The following RDX variants were observed in gnomAD, a reference collection of about 807,000 sequenced individuals.
The protein encoded by RDX is deafness, autosomal recessive 24.
RDX carries 32 observed loss-of-function variants against 83.7 expected under a neutral mutation model. That is an observed-to-expected ratio of 0.38 (90% CI 0.29 to 0.51). RDX has a LOEUF of 0.51. Among genes scored for constraint, RDX ranks in the 20% least tolerant of loss-of-function variants. The pLI is 0.87. For synonymous variants in RDX, 229 were observed against 222.7 expected (o/e 1.03, Z -0.25); for missense variants, 600 against 689.9 (o/e 0.87, Z 1.46).
Position 110,234,500 on chromosome 11 carries a change from A to C in RDX, c.1345-1021T>G, listed in dbSNP as rs77799312. On this transcript the variant is annotated intron_variant, in intron 12 of 13. Transcript: ENST00000645495. Reference sequence around the variant, plus strand: ...CAGTAAGATTTCATGTTGAATATATAAACAGGAAGTATCCTGGAAGAATAT... The same window carrying C: ...CAGTAAGATTTCATGTTGAATATATCAACAGGAAGTATCCTGGAAGAATAT... Among the ~76,000 whole-genome samples, 1,155 of 152,278 alleles carry C rather than the reference A, an allele frequency of 7.6e-3. 7 individuals carry two copies. The highest frequency in any genetic ancestry group is 0.011 in the Non-Finnish European group (769 of 67,992).
intron 9 of RDX, among the ~76,000 whole-genome samples, chr11:110,252,188 T>G (rs1198538770): frequency 6.6e-6 from 1 of 152,164 alleles, no homozygotes; most frequent in African/African-American, 2.4e-5. Flanking sequence ...AAGCAGTCAA[T>G]AAATGCTTAC....
At chr11:110,187,201 C>A (rs1213150446) in intron 15 of RDX, among the ~76,000 whole-genome samples, 1 of 152,214 alleles carries the variant, frequency 6.6e-6, no homozygotes, top group Non-Finnish European at 1.5e-5. Context: ...TTTGGAGCAG[C>A]TGCTCACCTG....
intron 10 of RDX, among the ~76,000 whole-genome samples, chr11:110,243,242 A>AAAATCCTG (rs1865171413): frequency 6.6e-6 from 1 of 152,228 alleles, no homozygotes; most frequent in Non-Finnish European, 1.5e-5. Context: ...ACCAAAAACC[A>AAAATCCTG]AAATCCTGAA....
chr11:110,227,713 G>A (rs1235889792), downstream of RDX, among the ~76,000 whole-genome samples: 2 of 152,088 alleles, frequency 1.3e-5, no homozygotes, highest in African/African-American at 2.4e-5. Flanking sequence ...CTAAGTCCTT[G>A]AATATAGCCA....
intron 14 of RDX, among the ~76,000 whole-genome samples, chr11:110,211,601 A>G (rs1283956577): frequency 6.6e-6 from 1 of 151,116 alleles, no homozygotes; most frequent in Admixed American, 6.6e-5. Context: ...TCTCCTCAGC[A>G]AATGTAAAAG....
intron 10 of RDX, 55 bp from the exon 11 acceptor site, chr11:110,237,707 T>C: frequency 6.3e-7 from 1 of 1,579,736 alleles, no homozygotes; most frequent in Non-Finnish European, 8.7e-7. Context: ...ATTCTCATTA[T>C]CAAAAGAAGC....
At position 110,229,704 on chromosome 11, in the gene RDX, A is replaced by T. The variant is rs1864550514; in HGVS notation, c.*2165T>A. On this transcript the variant is annotated 3_prime_UTR_variant, in exon 14 of 14. Transcript: ENST00000645495. ...TAGAAAAATTCACACAGCCTTAAAAATGGATTAAATCCATTTTAATCCTAA... is the reference window on the plus strand; with the variant it reads ...TAGAAAAATTCACACAGCCTTAAAATTGGATTAAATCCATTTTAATCCTAA... 1 of 152,528 alleles carries T rather than the reference A, an allele frequency of 6.6e-6. No individual in the cohort carries two copies. The highest frequency in any genetic ancestry group is 2.1e-4 in the South Asian group (1 of 4,836). The allele number at this position is 152,528 out of a possible 1,614,324, so 9.4% of individuals were successfully genotyped here.
intron 1 of RDX, among the ~76,000 whole-genome samples, chr11:110,292,934 A>G (rs1861303275): frequency 6.6e-6 from 1 of 152,250 alleles, no homozygotes; most frequent in Non-Finnish European, 1.5e-5. Context: ...CTCATTGTCA[A>G]CTATATGCCA....
Position 110,229,780 on chromosome 11 carries a change from T to C in RDX, c.*2089A>G, listed in dbSNP as rs976881626. 1 of 152,496 alleles carries C rather than the reference T, an allele frequency of 6.6e-6. No individual in the cohort carries two copies. The highest frequency in any genetic ancestry group is 1.5e-5 in the Non-Finnish European group (1 of 67,912). The allele number at this position is 152,496 out of a possible 1,614,324, so 9.4% of individuals were successfully genotyped here. On this transcript the variant is annotated 3_prime_UTR_variant, in exon 14 of 14. Transcript: ENST00000645495. ...AATATAACTGATAATTTTTCAATAC[T>C]GTATCAAACTGATGTAGCTATGGTA...
At chr11:110,207,635 A>T (rs1863655006) in intron 14 of RDX, among the ~76,000 whole-genome samples, 1 of 152,154 alleles carries the variant, frequency 6.6e-6, no homozygotes. Context: ...TTTTTAAACA[A>T]ATCAGAGGAA....
intron 10 of RDX, among the ~76,000 whole-genome samples, chr11:110,238,733 G>C (rs1200376508): frequency 6.6e-6 from 1 of 151,924 alleles, no homozygotes; most frequent in African/African-American, 2.4e-5. Context: ...AGACCAGACT[G>C]GCCAACCTGG....
chr11:110,266,015 G>C (rs1018414376), intron 3 of RDX, among the ~76,000 whole-genome samples: 1 of 152,062 alleles, frequency 6.6e-6, no homozygotes, highest in African/African-American at 2.4e-5. Context: ...ATCAGCCTGT[G>C]GTAGATACTC....
At chr11:110,198,961 A>G (rs906719650) in intron 15 of RDX, among the ~76,000 whole-genome samples, 1 of 152,016 alleles carries the variant, frequency 6.6e-6, no homozygotes, top group Non-Finnish European at 1.5e-5. Context: ...GACTACAGGC[A>G]TGCACCACCA....
intron 14 of RDX, among the ~76,000 whole-genome samples, chr11:110,220,901 T>C (rs1052022541): frequency 8.4e-6 from 1 of 118,806 alleles, no homozygotes; most frequent in Non-Finnish European, 1.7e-5. Flanking sequence ...AAAAAAAAAG[T>C]TTGTTGAAAA....
intron 14 of RDX, among the ~76,000 whole-genome samples, chr11:110,216,749 C>T (rs1864069513): frequency 6.6e-6 from 1 of 151,826 alleles, no homozygotes; most frequent in African/African-American, 2.4e-5. Flanking sequence ...AGCTCCTGGA[C>T]TCAAGCAATC....
chr11:110,284,673 ACC>A (rs1860908529), intron 1 of RDX, among the ~76,000 whole-genome samples: 1 of 152,014 alleles, frequency 6.6e-6, no homozygotes, highest in Admixed American at 6.6e-5. Flanking sequence ...GGCGCCTGCC[ACC>A]ACACCCGGCT....
At position 110,189,352 on chromosome 11, in the gene RDX, A is replaced by C. The variant is rs1863060784; in HGVS notation, c.*31+10229T>G. On this transcript the variant is annotated intron_variant, in intron 15 of 15. Transcript: ENST00000528498. The stretch of plus-strand genomic sequence containing the variant: ...AACATATATATGCACCCAACATTGG[A>C]GCATCCAGCTTAATAAAACAAGTAC... 3.3e-5 allele frequency among the ~76,000 whole-genome samples: 5 copies of C among 151,678 alleles called. No individual in the cohort carries two copies. The South Asian group carries it at 1.0e-3, about 32-fold the overall frequency.
chr11:110,252,375 C>T (rs1376220937), intron 9 of RDX, among the ~76,000 whole-genome samples: 7 of 151,864 alleles, frequency 4.6e-5, no homozygotes, highest in Non-Finnish European at 8.8e-5. Flanking sequence ...CTCTATAAGC[C>T]ATGAAATAAA....
At chr11:110,243,955 CAA>C (rs1865200257) in intron 10 of RDX, among the ~76,000 whole-genome samples, 1 of 152,008 alleles carries the variant, frequency 6.6e-6, no homozygotes, top group South Asian at 2.1e-4. Flanking sequence ...GGCAGTTCCT[CAA>C]AAAGTTAAAT....
Sources: allele counts gnomAD v4.1 joint callset (sites outside exome capture counted in the v4.1 genomes callset), GRCh38; gene constraint gnomAD v4.1.1; transcripts MANE v1.5; gene names NCBI Gene and HGNC (gene_info 2026-07-23, HGNC 2026-07-21).